SLC24A2: variants seen among roughly 807,000 people sequenced by gnomAD.
SLC24A2 encodes the protein solute carrier family 24 member 2.
Under a neutral mutation model 62.0 loss-of-function variants are expected in SLC24A2, and 36 were observed. The ratio of observed to expected loss-of-function variants is 0.58; its 90% CI spans 0.44 to 0.77. The LOEUF is 0.77. SLC24A2 is among the 30% of genes least tolerant of loss of function. SLC24A2 has a pLI of 0.00. For missense variants in SLC24A2, 846 were observed against 817.9 expected, an observed-to-expected ratio of 1.03 and a Z score of -0.42; for synonymous variants, 358 against 294.0, an observed-to-expected ratio of 1.22 and a Z score of -2.23.
intron 2 of SLC24A2, among the ~76,000 whole-genome samples, chr9:19,731,516 CGTGTGTGT>C (rs71496830): frequency 7.9e-5 from 9 of 113,708 alleles, no homozygotes; most frequent in Admixed American, 9.7e-5. Context: ...TCTCTCTCTC[CGTGTGTGT>C]GTGTGTGTGT....
the SLC24A2 span, among the ~76,000 whole-genome samples, chr9:19,933,475 C>A: frequency 6.6e-6 from 1 of 152,100 alleles, no homozygotes; most frequent in South Asian, 2.1e-4. Context: ...TCCATTCATT[C>A]ATTCATTCAT....
chr9:19,944,746 G>C, the SLC24A2 span, among the ~76,000 whole-genome samples: 9 of 105,432 alleles, frequency 8.5e-5, no homozygotes, highest in Non-Finnish European at 1.9e-4. Context: ...GGTGCCAAGA[G>C]GCTGGAGGTG....
At chr9:19,530,179 T>A (rs1360195074) in intron 8 of SLC24A2, among the ~76,000 whole-genome samples, 2 of 151,982 alleles carry the variant, frequency 1.3e-5, no homozygotes, top group African/African-American at 2.4e-5. Context: ...GGCATTTAGC[T>A]TATTAAAGTT....
chr9:20,130,926 G>A, the SLC24A2 span, among the ~76,000 whole-genome samples: 1 of 152,008 alleles, frequency 6.6e-6, no homozygotes, highest in African/African-American at 2.4e-5. Context: ...CCCAGACCCA[G>A]CCTCAGTAAC....
chr9:19,814,112 G>A, the SLC24A2 span, among the ~76,000 whole-genome samples: 92 of 152,072 alleles, frequency 6.0e-4, no homozygotes, highest in African/African-American at 2.0e-3. Context: ...GTTCTTATTG[G>A]GAATATTGGT....
the SLC24A2 span, among the ~76,000 whole-genome samples, chr9:20,069,576 CA>C: frequency 6.6e-6 from 1 of 152,118 alleles, no homozygotes; most frequent in Non-Finnish European, 1.5e-5. Flanking sequence ...TTAAAGATCA[CA>C]ATTCTCTTTC....
At chr9:19,696,145 CT>C (rs1376438483) in intron 2 of SLC24A2, among the ~76,000 whole-genome samples, 1 of 152,114 alleles carries the variant, frequency 6.6e-6, no homozygotes, top group Non-Finnish European at 1.5e-5. Flanking sequence ...TGTGAGGGAT[CT>C]AGGTTGTGTA....
chr9:19,740,517 T>C (rs560615609), intron 2 of SLC24A2, among the ~76,000 whole-genome samples: 1 of 152,232 alleles, frequency 6.6e-6, no homozygotes, highest in East Asian at 1.9e-4. Context: ...AAGTTCACAA[T>C]AGGTGACAGT....
the SLC24A2 span, among the ~76,000 whole-genome samples, chr9:20,298,491 A>G: frequency 1.3e-5 from 2 of 152,324 alleles, no homozygotes; most frequent in East Asian, 1.9e-4. Context: ...GGCCTCCCAA[A>G]GTGCTGGGAT....
At chr9:20,019,841 C>A in the SLC24A2 span, among the ~76,000 whole-genome samples, 1 of 150,338 alleles carries the variant, frequency 6.7e-6, no homozygotes, top group Admixed American at 6.6e-5. Context: ...GGACTAATAT[C>A]CAGAATCTAC....
At chr9:20,231,465 G>C in the SLC24A2 span, among the ~76,000 whole-genome samples, 1 of 152,050 alleles carries the variant, frequency 6.6e-6, no homozygotes, top group Non-Finnish European at 1.5e-5. Context: ...TTTTAAGTTG[G>C]ATTCCTAGGT....
At chr9:19,850,976 T>TATACATATATATATATATATAC in the SLC24A2 span, among the ~76,000 whole-genome samples, 3 of 47,220 alleles carry the variant, frequency 6.4e-5, no homozygotes, top group African/African-American at 9.5e-5. Context: ...TGTATATATA[T>TATACATATATATATATATATAC]ATATATATGT....
intron 2 of SLC24A2, among the ~76,000 whole-genome samples, chr9:19,705,184 T>C (rs1302342878): frequency 6.6e-6 from 1 of 152,338 alleles, no homozygotes; most frequent in Non-Finnish European, 1.5e-5. Flanking sequence ...TAAGTTAAGA[T>C]GATTAAATGA....
At chr9:19,834,774 C>A in the SLC24A2 span, among the ~76,000 whole-genome samples, 1 of 152,124 alleles carries the variant, frequency 6.6e-6, no homozygotes, top group Admixed American at 6.5e-5. Context: ...ACATAATCGT[C>A]AGATTCACCA....
the SLC24A2 span, among the ~76,000 whole-genome samples, chr9:19,972,998 C>T: frequency 1.3e-5 from 2 of 152,106 alleles, no homozygotes; most frequent in African/African-American, 4.8e-5. Context: ...GATCTTTCAA[C>T]TGGTGATCAG....
chr9:20,186,794 GTATT>G, the SLC24A2 span, among the ~76,000 whole-genome samples: 1 of 152,164 alleles, frequency 6.6e-6, no homozygotes, highest in African/African-American at 2.4e-5. Context: ...CACAGAGTAA[GTATT>G]TAATCAACGA....
chr9:19,678,195 C>T lies in SLC24A2; in HGVS notation c.931-55896G>A, dbSNP rs371613414. 2.0e-4 allele frequency among the ~76,000 whole-genome samples: 30 copies of T among 152,320 alleles called. 1 individual carries two copies. The highest frequency in any genetic ancestry group is 5.8e-4 in the African/African-American group (24 of 41,574). On this transcript the variant is annotated intron_variant, in intron 2 of 10. Coordinates refer to ENST00000341998, the MANE Select transcript of SLC24A2 (RefSeq NM_020344.4). Reference sequence around the variant, plus strand: ...CTAGCGCAGAGCAGGTGCTTAATAACGGAAGCCCTCCATGGCTGCTTTCCT... The same window carrying T: ...CTAGCGCAGAGCAGGTGCTTAATAATGGAAGCCCTCCATGGCTGCTTTCCT...
chr9:19,751,430 G>T (rs1232571175), intron 2 of SLC24A2, among the ~76,000 whole-genome samples: 2 of 152,112 alleles, frequency 1.3e-5, no homozygotes, highest in Non-Finnish European at 2.9e-5. Context: ...AGTCTTGAGT[G>T]GGTTCCAGCC....
intron 2 of SLC24A2, among the ~76,000 whole-genome samples, chr9:19,752,134 T>G (rs1822002482): frequency 6.6e-6 from 1 of 152,158 alleles, no homozygotes; most frequent in Non-Finnish European, 1.5e-5. Flanking sequence ...TCATCAGCGC[T>G]AGATGCTTTC....
Sources: allele counts gnomAD v4.1 joint callset (sites outside exome capture counted in the v4.1 genomes callset), GRCh38; gene constraint gnomAD v4.1.1; transcripts MANE v1.5; gene names NCBI Gene and HGNC (gene_info 2026-07-23, HGNC 2026-07-21).